ZNF709: variants seen among roughly 807,000 people sequenced by gnomAD.
ZNF709 encodes zinc finger protein 709.
In ZNF709, 15 loss-of-function variants were observed where a neutral mutation model predicts 10.6. The observed-to-expected ratio is 1.41, with a 90% confidence interval of 0.95 to 2.18. ZNF709 has a LOEUF of 2.18. Among genes scored for constraint, ZNF709 ranks in the 30% most tolerant of loss-of-function variants. The probability of loss-of-function intolerance (pLI) is 0.00; values close to 1 mark genes in which losing one functional copy is unlikely to be tolerated. For synonymous variants in ZNF709, 194 were observed against 238.8 expected, an observed-to-expected ratio of 0.81 and a Z score of 1.73; for missense variants, 589 against 774.0, an observed-to-expected ratio of 0.76 and a Z score of 2.84.
chr19:12,473,167 A>G (rs1243370286), intron 1 of ZNF709, among the ~76,000 whole-genome samples: 1 of 152,206 alleles, frequency 6.6e-6, no homozygotes, highest in African/African-American at 2.4e-5. Flanking sequence ...GTACTTAGAC[A>G]CAGATACCAA....
chr19:12,466,894 A>G (rs760378615), intron 1 of ZNF709, 44 bp from the exon 2 acceptor site: 2 of 1,588,378 alleles, frequency 1.3e-6, no homozygotes, highest in Admixed American at 3.8e-5. Flanking sequence ...TGAGACTGAC[A>G]GCACTGGGGA....
intron 1 of ZNF709, chr19:12,481,273 C>T (rs986706068): frequency 1.9e-5 from 14 of 749,656 alleles, no homozygotes; most frequent in East Asian, 2.6e-4. Flanking sequence ...CTCTGTTGCC[C>T]AGGCTGGATT....
chr19:12,464,944 A>G lies in ZNF709; in HGVS notation c.978T>C (p.His326=). The part of the protein sequence containing the change: ...AFSFPSSFRK[H]ERIHTGEKPY... ...GTTTCTCTCCTGTATGAATTCTTTCATGTTTTCTAAAGGAACTAGGAAAAC... is the reference window on the plus strand; with the variant it reads ...GTTTCTCTCCTGTATGAATTCTTTCGTGTTTTCTAAAGGAACTAGGAAAAC... Residue 326 remains histidine (H), a synonymous_variant, in exon 4 of 4, where the codon CAT becomes CAC. Transcript: ENST00000397732. 4 of 1,604,056 alleles carry G rather than the reference A, an allele frequency of 2.5e-6. No individual in the cohort carries two copies. Among genetic ancestry groups the G allele is most frequent in the Non-Finnish European group, 3.4e-6 (4 of 1,177,024 alleles).
In ZNF709 at chr19:12,465,522, T is replaced by G; in HGVS notation, c.400A>C (p.Lys134Gln). 6.2e-7 allele frequency: 1 copy of G among 1,611,464 alleles called. No individual in the cohort carries two copies. The highest frequency in any genetic ancestry group is 8.5e-7 in the Non-Finnish European group (1 of 1,179,162). ...CATTCATATGATTTCTCTCCATATT[T>G]GTGATATTCATATGATCTATGTTCA... ...HTEHRSYEYHKYGEKSYECKE... is the reference protein window; with the variant it reads ...HTEHRSYEYHQYGEKSYECKE... Residue 134 changes from lysine (K) to glutamine (Q), a missense_variant, in exon 4 of 4, where the codon AAA becomes CAA. By Grantham distance (53) the Lys-to-Gln change is moderately conservative (BLOSUM62 1). This residue lies in a region of ZNF709 where 418 missense variants were observed against 496.3 expected (regional missense o/e 0.84). Coordinates refer to ENST00000397732, the MANE Select transcript of ZNF709 (RefSeq NM_152601.4).
rs1280150427 is a variant in ZNF709 at position 12,464,679 on chromosome 19, T to C, written c.1243A>G (p.Thr415Ala). ...TTACATTCATGGGGTTTCTCTCCAG[T>C]GTGAGTTCTTTCATGCATTCGAAAG... ...SSFRMHERTHTGEKPHECKQC... is the reference protein window; with the variant it reads ...SSFRMHERTHAGEKPHECKQC... The change falls in exon 4 of 4, where the codon ACT becomes GCT. Residue 415 changes from threonine (T) to alanine (A), a missense_variant. Physicochemically the swap from Thr to Ala is moderately conservative, Grantham distance 58 (BLOSUM62 0). Around this residue, in one of 2 missense-constraint regions of ZNF709, gnomAD observed 418 missense variants for 496.3 expected, o/e 0.84. Transcript: ENST00000397732. The C allele has an allele frequency of 2.5e-6, 4 of 1,612,492 alleles. No homozygotes were observed. The highest frequency in any genetic ancestry group is 3.4e-6 in the Non-Finnish European group (4 of 1,179,208).
Position 12,484,742 on chromosome 19 carries a change from C to T in ZNF709, c.-85G>A. 6.3e-7 allele frequency: 1 copy of T among 1,579,298 alleles called. No homozygotes were observed. On this transcript the variant is annotated 5_prime_UTR_variant, in exon 1 of 4. Coordinates refer to ENST00000397732, the MANE Select transcript of ZNF709 (RefSeq NM_152601.4). Reference sequence around the variant, plus strand: ...CTACCTCCACCTGAGGCCCTTCCTCCACCTGAGGGCCTTCTGGGGTGAGGA... The same window carrying T: ...CTACCTCCACCTGAGGCCCTTCCTCTACCTGAGGGCCTTCTGGGGTGAGGA...
intron 1 of ZNF709, among the ~76,000 whole-genome samples, chr19:12,473,938 T>G (rs980568027): frequency 5.9e-5 from 9 of 152,114 alleles, no homozygotes; most frequent in Admixed American, 4.6e-4. Flanking sequence ...CCCAGGTACT[T>G]AAGAGGCTGG....
chr19:12,478,843 G>A (rs1970697668), intron 1 of ZNF709, among the ~76,000 whole-genome samples: 1 of 152,152 alleles, frequency 6.6e-6, no homozygotes, highest in Non-Finnish European at 1.5e-5. Flanking sequence ...AGCTTGCCCA[G>A]GTGTGCAGCA....
At position 12,464,266 on chromosome 19, in the gene ZNF709, C is replaced by G; in HGVS notation, c.1656G>C (p.Arg552Ser). 1 of 1,597,166 alleles carries G rather than the reference C, an allele frequency of 6.3e-7. No homozygotes were observed. Among genetic ancestry groups the G allele is most frequent in the Non-Finnish European group, 8.5e-7 (1 of 1,172,432 alleles). The change falls in exon 4 of 4, where the codon AGG becomes AGC. Residue 552 changes from arginine (R) to serine (S), a missense_variant. Coordinates refer to ENST00000397732, the MANE Select transcript of ZNF709 (RefSeq NM_152601.4). ...SCSSSIRIHE[R>S]THTGEKPYEC... is the part of the protein sequence containing the mutation. ...CATAAGGTTTCTCTCCAGTGTGAGT[C>G]CTTTCATGTATTCGAATGGAACTGG...
chr19:12,464,174 G>A lies in ZNF709; in HGVS notation c.1748C>T (p.Thr583Ile), dbSNP rs1468609356. 1.3e-5 allele frequency: 20 copies of A among 1,579,586 alleles called. No homozygotes were observed. Among genetic ancestry groups the A allele is most frequent in the East Asian group, 2.2e-5 (1 of 44,778 alleles). The part of the protein sequence containing the change: ...SSVRMHERTH[T>I]GVKPYECKQC... Reference sequence around the variant, plus strand: ...TTTACATTCATAGGGTTTCACTCCAGTGTGAGTCCTTTCATGCATTCGAAC... The same window carrying A: ...TTTACATTCATAGGGTTTCACTCCAATGTGAGTCCTTTCATGCATTCGAAC... The change falls in exon 4 of 4, where the codon ACT becomes ATT. Residue 583 changes from threonine to isoleucine, a missense_variant. Around this residue, in one of 2 missense-constraint regions of ZNF709, gnomAD observed 171 missense variants for 277.7 expected, o/e 0.62. Coordinates refer to ENST00000397732, the MANE Select transcript of ZNF709 (RefSeq NM_152601.4).
chr19:12,462,985 T>C lies in ZNF709; in HGVS notation c.*1011A>G, dbSNP rs1289011327. On this transcript the variant is annotated 3_prime_UTR_variant, in exon 4 of 4. Transcript: ENST00000397732. ...GTAATAGAAATCCATAATTCAGAGA[T>C]CCATTTTAAGAATCAGTAACTGATA... 1 of 152,222 alleles carries C rather than the reference T, an allele frequency of 6.6e-6. No homozygotes were observed. Among genetic ancestry groups the C allele is most frequent in the Non-Finnish European group, 1.5e-5 (1 of 68,036 alleles). 9.4% of individuals were successfully genotyped at this position (152,222 alleles called of 1,614,324 possible).
Position 12,464,247 on chromosome 19 carries a change from G to T in ZNF709, c.1675C>A (p.Pro559Thr). The T allele has an allele frequency of 6.3e-7, 1 of 1,597,832 alleles. No individual in the cohort carries two copies. The highest frequency in any genetic ancestry group is 8.5e-7 in the Non-Finnish European group (1 of 1,172,768). Residue 559 changes from proline to threonine, a missense_variant, in exon 4 of 4, where the codon CCT becomes ACT. Physicochemically the swap from Pro to Thr is conservative, Grantham distance 38 (BLOSUM62 -1). Transcript: ENST00000397732. ...IHERTHTGEK[P>T]YECKQCGKAF... ...TTACCACATTGTTTACACTCATAAGGTTTCTCTCCAGTGTGAGTCCTTTCA... is the reference window on the plus strand; with the variant it reads ...TTACCACATTGTTTACACTCATAAGTTTTCTCTCCAGTGTGAGTCCTTTCA...
chr19:12,462,870 T>C lies in ZNF709; in HGVS notation c.*1126A>G, dbSNP rs1165697183. ...TATGGAAAGACAAAATTTCAGAAAC[T>C]GATTTAATGAAAAAATACTATCAAT... On this transcript the variant is annotated 3_prime_UTR_variant, in exon 4 of 4. Coordinates refer to ENST00000397732, the MANE Select transcript of ZNF709 (RefSeq NM_152601.4). 6.6e-6 allele frequency: 1 copy of C among 152,192 alleles called. No individual in the cohort carries two copies. Among genetic ancestry groups the C allele is most frequent in the East Asian group, 1.9e-4 (1 of 5,204 alleles). The allele number at this position is 152,192 out of a possible 1,614,324, so 9.4% of individuals were successfully genotyped here. A position where few individuals can be genotyped will look rare whatever the true frequency, so the allele number is the denominator to read the frequency against.
intron 1 of ZNF709, chr19:12,481,038 C>T: frequency 2.9e-6 from 1 of 346,096 alleles, no homozygotes; most frequent in Non-Finnish European, 4.1e-6. Flanking sequence ...CCTGCCTCAG[C>T]CTCCCAAAGT....
At chr19:12,484,222 C>T (rs1970757365) in intron 1 of ZNF709, among the ~76,000 whole-genome samples, 1 of 152,062 alleles carries the variant, frequency 6.6e-6, no homozygotes, top group Admixed American at 6.5e-5. Flanking sequence ...TGAGATCTGG[C>T]TTCCCATACA....
chr19:12,477,882 G>T (rs1404592678), intron 1 of ZNF709, among the ~76,000 whole-genome samples: 1 of 152,054 alleles, frequency 6.6e-6, no homozygotes, highest in Non-Finnish European at 1.5e-5. Flanking sequence ...TACAGGGGAG[G>T]GGTGTTCTTT....
rs1970556138 is a variant in ZNF709 at position 12,465,044 on chromosome 19, G to A, written c.878C>T (p.Thr293Ile). 3 of 1,612,686 alleles carry A rather than the reference G, an allele frequency of 1.9e-6. No individual in the cohort carries two copies. Among genetic ancestry groups the A allele is most frequent in the Non-Finnish European group, 2.5e-6 (3 of 1,179,614 alleles). The change falls in exon 4 of 4, where the codon ACA (threonine) becomes ATA (isoleucine). Residue 293 changes from threonine (T) to isoleucine (I), a missense_variant. By Grantham distance (89) the Thr-to-Ile change is moderately conservative (BLOSUM62 -1). This residue lies in a region of ZNF709 where 418 missense variants were observed against 496.3 expected (regional missense o/e 0.84). Coordinates refer to ENST00000397732, the MANE Select transcript of ZNF709 (RefSeq NM_152601.4). ...KQCGKALSCP[T>I]SFRSHERIHT... ...AATCCTTTCATGACTTCGAAAGGAT[G>A]TGGGACAACTAAGAGCTTTACCACA... is the stretch of plus-strand genomic sequence containing the variant.
In ZNF709 at chr19:12,463,164, A is replaced by C. The variant is rs931561275; in HGVS notation, c.*832T>G. 4.6e-5 allele frequency: 7 copies of C among 152,324 alleles called. No individual in the cohort carries two copies. The East Asian group carries it at 1.3e-3, about 29-fold the overall frequency. The allele number at this position is 152,324 out of a possible 1,614,324, so 9.4% of individuals were successfully genotyped here. ...ATTGAAGTTTCACACATAAGGGAGT[A>C]TCACATGAGCATTTGTTAAAATGGA... is the stretch of plus-strand genomic sequence containing the variant. On this transcript the variant is annotated 3_prime_UTR_variant, in exon 4 of 4. Coordinates refer to ENST00000397732, the MANE Select transcript of ZNF709 (RefSeq NM_152601.4).
At chr19:12,469,809 T>C (rs902811403) in intron 1 of ZNF709, among the ~76,000 whole-genome samples, 3 of 152,044 alleles carry the variant, frequency 2.0e-5, no homozygotes, top group African/African-American at 4.8e-5. Flanking sequence ...CCCACACTCA[T>C]GAGCCTCAGG....
Sources: allele counts gnomAD v4.1 joint callset (sites outside exome capture counted in the v4.1 genomes callset), GRCh38; gene constraint gnomAD v4.1.1; regional missense constraint gnomAD v4.1.1; transcripts MANE v1.5; gene names NCBI Gene and HGNC (gene_info 2026-07-23, HGNC 2026-07-21).